The following TBCK variants were observed in gnomAD, a reference collection of about 807,000 sequenced individuals.
TBCK encodes TBC domain-containing protein kinase-like protein.
In TBCK, 99 loss-of-function variants were observed where a neutral mutation model predicts 113.4. The ratio of observed to expected loss-of-function variants is 0.87; its 90% CI spans 0.74 to 1.03. The LOEUF (loss-of-function observed/expected upper bound fraction) is 1.03. Among genes scored for constraint, TBCK ranks in the 50% least tolerant of loss-of-function variants. The pLI is 0.00. For synonymous variants in TBCK, 369 were observed against 370.8 expected (o/e 1.00, Z 0.05); for missense variants, 1,045 against 1,061.3 (o/e 0.98, Z 0.21).
chr4:106,188,857 A>C (rs1045712125), intron 22 of TBCK, among the ~76,000 whole-genome samples: 3 of 152,196 alleles, frequency 2.0e-5, no homozygotes, highest in African/African-American at 7.2e-5. Context: ...TCAGCTTCCT[A>C]GAATCACGTT....
chr4:106,300,511 G>T (rs768058371), intron 2 of TBCK, among the ~76,000 whole-genome samples: 1 of 152,102 alleles, frequency 6.6e-6, no homozygotes, highest in Non-Finnish European at 1.5e-5. Context: ...AGTAAAAATC[G>T]AGACTAGCTC....
At chr4:106,237,226 A>G (rs1007559840) in intron 12 of TBCK, among the ~76,000 whole-genome samples, 1 of 152,128 alleles carries the variant, frequency 6.6e-6, no homozygotes, top group Non-Finnish European at 1.5e-5. Context: ...CTTTGGCATA[A>G]TACAAGCTAA....
At chr4:106,119,886 A>C (rs1560674647) in intron 23 of TBCK, among the ~76,000 whole-genome samples, 1 of 152,182 alleles carries the variant, frequency 6.6e-6, no homozygotes, top group Non-Finnish European at 1.5e-5. Context: ...AAATGGCCAA[A>C]AGGTACATGG....
chr4:106,309,864 T>C (rs1161665037), intron 1 of TBCK: 3 of 152,216 alleles, frequency 2.0e-5, no homozygotes, highest in Non-Finnish European at 4.4e-5. Context: ...GACAGAGCTA[T>C]TGGCTCCAGT....
In TBCK at chr4:106,184,106, G is replaced by C. The variant is rs73838135; in HGVS notation, c.2059+9503C>G. On this transcript the variant is annotated intron_variant, in intron 22 of 25. Coordinates refer to ENST00000394708, the MANE Select transcript of TBCK (RefSeq NM_001163435.3). ...TACAGGAAACTTTAGACTCTGACAA[G>C]TAAGATCTTGAAATTATACTTGTCA... Among the ~76,000 whole-genome samples the C allele has an allele frequency of 9.0e-3, 1,366 of 152,108 alleles. 23 individuals are homozygous for C. Among genetic ancestry groups the C allele is most frequent in the African/African-American group, 0.031 (1,293 of 41,518 alleles).
chr4:106,112,530 A>C (rs762274334), intron 24 of TBCK, among the ~76,000 whole-genome samples: 17 of 152,130 alleles, frequency 1.1e-4, no homozygotes, highest in Non-Finnish European at 1.9e-4. Flanking sequence ...CTGAGATTGG[A>C]GCCTTACTAT....
intron 23 of TBCK, among the ~76,000 whole-genome samples, chr4:106,161,854 C>T (rs960537531): frequency 6.6e-6 from 1 of 152,072 alleles, no homozygotes; most frequent in South Asian, 2.1e-4. Flanking sequence ...TGAAACAACA[C>T]AAATGCTATG....
intron 6 of TBCK, among the ~76,000 whole-genome samples, chr4:106,250,843 T>C (rs1761347305): frequency 6.6e-6 from 1 of 152,078 alleles, no homozygotes. Flanking sequence ...CTGATTATAC[T>C]CTTTCGCCTA....
chr4:106,233,561 G>C, intron 16 of TBCK, 27 bp downstream of exon 16: 3 of 1,585,224 alleles, frequency 1.9e-6, no homozygotes, highest in Non-Finnish European at 2.6e-6. Context: ...AATTATCTTA[G>C]GTTGCTTAAG....
rs188994229 is a variant in TBCK, at chr4:106,137,815, T to C, written c.2236-21437A>G. 1.2e-3 allele frequency among the ~76,000 whole-genome samples: 168 copies of C among 140,648 alleles called. 28 individuals are homozygous for C. Among genetic ancestry groups the C allele is most frequent in the Non-Finnish European group, 2.2e-3 (134 of 61,846 alleles). 92.3% of individuals were successfully genotyped at this position (140,648 alleles called of 152,430 possible). A position where few individuals can be genotyped will look rare whatever the true frequency, so the allele number is the denominator to read the frequency against. ...TTTTTTTCAGTGATTAGAGACTTTA[T>C]GCTAAAACGTTCACAGATGTACTCT... On this transcript the variant is annotated intron_variant, in intron 23 of 25. Coordinates refer to ENST00000394708, the MANE Select transcript of TBCK (RefSeq NM_001163435.3).
rs534686451 is a variant in TBCK at position 106,301,417 on chromosome 4, C to A, written c.194-6251G>T. Among the ~76,000 whole-genome samples the A allele has an allele frequency of 3.7e-3, 558 of 152,180 alleles. 3 individuals are homozygous for A. The highest frequency in any genetic ancestry group is 0.013 in the African/African-American group (530 of 41,538). ...ATCTTCACTCTGCTTCTAAACACAG[C>A]TGAGATTTCAAGCTCACAAGAAAAG... is the stretch of plus-strand genomic sequence containing the variant. On this transcript the variant is annotated intron_variant, in intron 2 of 25. Coordinates refer to ENST00000394708, the MANE Select transcript of TBCK (RefSeq NM_001163435.3).
At chr4:106,114,541 T>A (rs1743254875) in intron 24 of TBCK, among the ~76,000 whole-genome samples, 1 of 152,176 alleles carries the variant, frequency 6.6e-6, no homozygotes, top group South Asian at 2.1e-4. Flanking sequence ...AGCTGCTGAC[T>A]CTTTACAGCA....
intron 23 of TBCK, among the ~76,000 whole-genome samples, chr4:106,167,504 G>A (rs989772577): frequency 1.3e-5 from 2 of 151,296 alleles, no homozygotes; most frequent in Admixed American, 6.6e-5. Context: ...TAAGTTCAAA[G>A]TGAGTAGAAG....
intron 3 of TBCK, among the ~76,000 whole-genome samples, chr4:106,272,487 AAT>A (rs1763594065): frequency 1.4e-5 from 2 of 139,894 alleles, no homozygotes; most frequent in Non-Finnish European, 3.1e-5. Flanking sequence ...TTGTTTATTT[AAT>A]TTTTTTTTTT....
In TBCK at chr4:106,307,676, A is replaced by T. The variant is rs995169642; in HGVS notation, c.193+1092T>A. Among the ~76,000 whole-genome samples the T allele has an allele frequency of 3.3e-5, 5 of 152,286 alleles. No individual in the cohort carries two copies. The East Asian group carries it at 5.8e-4, about 18-fold the overall frequency. On this transcript the variant is annotated intron_variant, in intron 2 of 25. Transcript: ENST00000394708. ...TTTACTTTCAGATTTTTTTACGTCTACAAATTATTTTATGTTAGAAAAATT... is the reference window on the plus strand; with the variant it reads ...TTTACTTTCAGATTTTTTTACGTCTTCAAATTATTTTATGTTAGAAAAATT...
intron 23 of TBCK, among the ~76,000 whole-genome samples, chr4:106,117,606 G>A (rs1743687722): frequency 1.3e-5 from 2 of 152,158 alleles, no homozygotes; most frequent in South Asian, 4.1e-4. Flanking sequence ...AGTAGAAGAA[G>A]GATGAGCCTT....
chr4:106,307,391 A>G (rs1394355070), intron 2 of TBCK, among the ~76,000 whole-genome samples: 1 of 152,188 alleles, frequency 6.6e-6, no homozygotes, highest in Non-Finnish European at 1.5e-5. Flanking sequence ...ATTGCCTTAT[A>G]TAAACGCTCA....
At chr4:106,209,479 T>G (rs1334892722) in intron 20 of TBCK, among the ~76,000 whole-genome samples, 1 of 152,184 alleles carries the variant, frequency 6.6e-6, no homozygotes, top group African/African-American at 2.4e-5. Flanking sequence ...GTAACCTTAA[T>G]AAGAATTATT....
intron 23 of TBCK, among the ~76,000 whole-genome samples, chr4:106,151,610 C>G (rs1038187102): frequency 1.5e-4 from 23 of 151,826 alleles, no homozygotes; most frequent in African/African-American, 5.6e-4. Context: ...AGAATTGTTT[C>G]TTCTATTTCT....
Sources: allele counts gnomAD v4.1 joint callset (sites outside exome capture counted in the v4.1 genomes callset), GRCh38; gene constraint gnomAD v4.1.1; transcripts MANE v1.5; gene names NCBI Gene and HGNC (gene_info 2026-07-23, HGNC 2026-07-21).